The following GIN1 variants were observed in gnomAD, a reference collection of about 807,000 sequenced individuals.
GIN1 encodes gypsy retrotransposon integrase-like protein 1.
A neutral mutation model predicts 51.4 loss-of-function variants in GIN1; 41 were observed. The ratio of observed to expected loss-of-function variants is 0.80; its 90% CI spans 0.62 to 1.04. GIN1 has a LOEUF of 1.04. GIN1 is among the 50% of genes least tolerant of loss of function. GIN1 has a pLI of 0.00. For synonymous variants in GIN1, 222 were observed against 206.5 expected (o/e 1.07, Z -0.64); for missense variants, 610 against 612.4 (o/e 1.00, Z 0.04).
chr5:103,100,548 C>T lies in GIN1; in HGVS notation c.640-2767G>A, dbSNP rs1197216917. On this transcript the variant is annotated intron_variant, in intron 4 of 7. Coordinates refer to ENST00000399004, the MANE Select transcript of GIN1 (RefSeq NM_017676.2). ...CTGGGACTATGAGTGTGCAACACCA[C>T]GTCCAGTTAATTAAAAATTTTTTTT... 4.0e-5 allele frequency among the ~76,000 whole-genome samples: 6 copies of T among 151,894 alleles called. No homozygotes were observed. The East Asian group carries it at 7.7e-4, about 20-fold the overall frequency.
chr5:103,118,616 A>T (rs1788156312), intron 1 of GIN1, among the ~76,000 whole-genome samples: 1 of 152,202 alleles, frequency 6.6e-6, no homozygotes, highest in South Asian at 2.1e-4. Flanking sequence ...AGGTAGAGAG[A>T]CAGATGACAA....
At chr5:103,113,370 G>A (rs146016471) in intron 1 of GIN1, among the ~76,000 whole-genome samples, 125 of 152,190 alleles carry the variant, frequency 8.2e-4, no homozygotes, top group African/African-American at 3.0e-3. Context: ...TCTACTGAGG[G>A]TTCACTTTCT....
At chr5:103,119,343 C>T (rs1554198044) in intron 1 of GIN1, among the ~76,000 whole-genome samples, 1 of 152,140 alleles carries the variant, frequency 6.6e-6, no homozygotes, top group East Asian at 1.9e-4. Context: ...TGGACACGCA[C>T]AATTTTATGC....
chr5:103,100,019 A>G (rs1202478824), intron 4 of GIN1, among the ~76,000 whole-genome samples: 1 of 152,204 alleles, frequency 6.6e-6, no homozygotes, highest in Non-Finnish European at 1.5e-5. Context: ...AAAAAGAACA[A>G]GTTTTCCCAA....
intron 4 of GIN1, among the ~76,000 whole-genome samples, chr5:103,100,411 T>G (rs1307833562): frequency 6.6e-6 from 1 of 151,878 alleles, no homozygotes; most frequent in Non-Finnish European, 1.5e-5. Flanking sequence ...ATTATTTTTT[T>G]GAGACAGGGT....
chr5:103,090,899 GAACA>G (rs1272502398), intron 7 of GIN1, among the ~76,000 whole-genome samples: 1 of 133,414 alleles, frequency 7.5e-6, no homozygotes, highest in Admixed American at 7.4e-5. Flanking sequence ...AGTCACACAC[GAACA>G]CACACACACA....
chr5:103,096,505 AAG>A, intron 7 of GIN1, 34 bp downstream of exon 7: 1 of 1,451,500 alleles, frequency 6.9e-7, no homozygotes, highest in South Asian at 1.2e-5. Context: ...TCCTTACCTA[AAG>A]CAATAAAAAT....
chr5:103,119,724 C>T (rs1336989227), intron 1 of GIN1, among the ~76,000 whole-genome samples: 1 of 152,150 alleles, frequency 6.6e-6, no homozygotes, highest in Non-Finnish European at 1.5e-5. Context: ...TGTGAGGGAG[C>T]ATTTCCTAAG....
In GIN1 at chr5:103,097,438, A is replaced by C; in HGVS notation, c.884T>G (p.Met295Arg). Reference protein sequence around the residue: ...YFQMFSRNPYMPETSDSLHEV... With the variant: ...YFQMFSRNPYRPETSDSLHEV... Reference sequence around the variant, plus strand: ...ATGAAGACTATCTGAAGTCTCAGGCATATAAGGATTTCGACTAAACATTTG... The same window carrying C: ...ATGAAGACTATCTGAAGTCTCAGGCCTATAAGGATTTCGACTAAACATTTG... Residue 295 changes from methionine to arginine, a missense_variant, in exon 6 of 8, where the codon ATG becomes AGG. Coordinates refer to ENST00000399004, the MANE Select transcript of GIN1 (RefSeq NM_017676.2). 6.3e-7 allele frequency: 1 copy of C among 1,581,790 alleles called. No homozygotes were observed. The highest frequency in any genetic ancestry group is 8.7e-7 in the Non-Finnish European group (1 of 1,152,408).
At chr5:103,096,295 G>A (rs373737661) in intron 7 of GIN1, among the ~76,000 whole-genome samples, 17 of 152,002 alleles carry the variant, frequency 1.1e-4, no homozygotes, top group Non-Finnish European at 8.8e-5. Context: ...AGCCAAGATC[G>A]CGCCATTGCA....
At chr5:103,118,749 G>T (rs1313440178) in intron 1 of GIN1, among the ~76,000 whole-genome samples, 86 of 87,058 alleles carry the variant, frequency 9.9e-4, no homozygotes, top group African/African-American at 2.3e-3. Flanking sequence ...AATGAAAGTT[G>T]TTTTTTTTTT....
At position 103,093,497 on chromosome 5, in the gene GIN1, G is replaced by T. The variant is rs191767278; in HGVS notation, c.1294+3044C>A. Among the ~76,000 whole-genome samples, 77 of 152,262 alleles carry T rather than the reference G, an allele frequency of 5.1e-4. 1 individual carries two copies. Among genetic ancestry groups the T allele is most frequent in the African/African-American group, 1.8e-3 (74 of 41,554 alleles). Reference sequence around the variant, plus strand: ...CAACAGTGCCAATACCTTGATTTTAGCCCAGTAAGATCTATGTTGAACTTC... The same window carrying T: ...CAACAGTGCCAATACCTTGATTTTATCCCAGTAAGATCTATGTTGAACTTC... On this transcript the variant is annotated intron_variant, in intron 7 of 7. Coordinates refer to ENST00000399004, the MANE Select transcript of GIN1 (RefSeq NM_017676.2).
At chr5:103,090,592 T>C (rs1172449432) in intron 7 of GIN1, among the ~76,000 whole-genome samples, 10 of 152,168 alleles carry the variant, frequency 6.6e-5, no homozygotes, top group South Asian at 2.1e-4. Context: ...GCAGTTACCA[T>C]AGGCATTTAA....
chr5:103,096,472 G>A (rs573856435), intron 7 of GIN1, 69 bp downstream of exon 7: 1 of 1,144,932 alleles, frequency 8.7e-7, no homozygotes, highest in Non-Finnish European at 1.3e-6. Flanking sequence ...GGGGAGAAAG[G>A]TTTCTGTTAT....
intron 1 of GIN1, among the ~76,000 whole-genome samples, chr5:103,111,488 G>C (rs920913804): frequency 1.3e-5 from 2 of 152,184 alleles, no homozygotes; most frequent in African/African-American, 4.8e-5. Flanking sequence ...GGAAGACGAG[G>C]TTTATAAAAG....
intron 1 of GIN1, among the ~76,000 whole-genome samples, chr5:103,112,190 A>T (rs573444971): frequency 1.3e-5 from 2 of 152,232 alleles, no homozygotes; most frequent in Admixed American, 1.3e-4. Flanking sequence ...TATGTTAGGG[A>T]GAGGGACATA....
rs112184376 is a variant in GIN1, at chr5:103,087,724, G to A, written c.*174C>T. The A allele has an allele frequency of 1.5e-3, 745 of 482,400 alleles. 3 individuals carry two copies. Among genetic ancestry groups the A allele is most frequent in the African/African-American group, 0.013 (671 of 50,448 alleles). 29.9% of individuals were successfully genotyped at this position (482,400 alleles called of 1,614,324 possible). A position where few individuals can be genotyped will look rare whatever the true frequency, so the allele number is the denominator to read the frequency against. ...ATGCTTCCTTTGCCTTCATATGTAC[G>A]TATACTGATATTCAAATGTGGCATA... On this transcript the variant is annotated 3_prime_UTR_variant, in exon 8 of 8. Coordinates refer to ENST00000399004, the MANE Select transcript of GIN1 (RefSeq NM_017676.2).
chr5:103,094,126 ATT>A (rs1456542820), intron 7 of GIN1, among the ~76,000 whole-genome samples: 2 of 152,190 alleles, frequency 1.3e-5, no homozygotes, highest in Non-Finnish European at 2.9e-5. Context: ...AGTCAAAATC[ATT>A]TTGTTTGCTT....
intron 7 of GIN1, among the ~76,000 whole-genome samples, chr5:103,092,047 CT>C (rs1448650158): frequency 6.6e-6 from 1 of 151,880 alleles, no homozygotes; most frequent in African/African-American, 2.4e-5. Context: ...AAGATGGGGT[CT>C]CACTCTGTCA....
Sources: allele counts gnomAD v4.1 joint callset (sites outside exome capture counted in the v4.1 genomes callset), GRCh38; gene constraint gnomAD v4.1.1; transcripts MANE v1.5; gene names NCBI Gene and HGNC (gene_info 2026-07-23, HGNC 2026-07-21).